The following TMEM231 variants were observed in gnomAD, a reference collection of about 807,000 sequenced individuals.
The protein encoded by TMEM231 is transmembrane protein 231.
A neutral mutation model predicts 38.5 loss-of-function variants in TMEM231; 40 were observed. That is an observed-to-expected ratio of 1.04 (90% CI 0.81 to 1.35). TMEM231 has a LOEUF of 1.35. Among genes scored for constraint, TMEM231 ranks in the 40% most tolerant of loss-of-function variants. The probability of loss-of-function intolerance (pLI) is 0.00; values close to 1 mark genes in which losing one functional copy is unlikely to be tolerated. For synonymous variants in TMEM231, 199 were observed against 181.7 expected, an observed-to-expected ratio of 1.10 and a Z score of -0.77; for missense variants, 420 against 416.9, an observed-to-expected ratio of 1.01 and a Z score of -0.07.
intron 2 of TMEM231, chr16:75,555,565 C>T (rs181288038): frequency 8.3e-4 from 397 of 479,440 alleles, no homozygotes; most frequent in African/African-American, 7.7e-3. Flanking sequence ...TGTCAGGGCG[C>T]ACACGCTGAC....
chr16:75,539,995 T>C lies in TMEM231; in HGVS notation c.950A>G (p.Ter317TrpextTer5). The C allele has an allele frequency of 6.2e-7, 1 of 1,608,740 alleles. No homozygotes were observed. The change falls in exon 7 of 7, where the codon TAG (stop) becomes TGG (tryptophan). Residue 317 changes from the stop codon to tryptophan (W), a stop_lost. Coordinates refer to ENST00000258173, the MANE Select transcript of TMEM231 (RefSeq NM_001077418.3). The part of the protein sequence containing the change: ...RGDLCKEHLS[*>W] ...GCTGAGTCTTCAGAAATGGCCTTTC[T>C]AGGATAAGTGCTCCTTACACAAGTC...
chr16:75,546,189 A>C (rs1007355598), intron 2 of TMEM231: 5 of 1,260,488 alleles, frequency 4.0e-6, no homozygotes, highest in Admixed American at 4.4e-5. Context: ...GGCCAAAATA[A>C]ATGGGCAATA....
intron 6 of TMEM231, among the ~76,000 whole-genome samples, chr16:75,541,001 T>C (rs1027744843): frequency 1.3e-5 from 2 of 152,134 alleles, no homozygotes; most frequent in East Asian, 1.9e-4. Flanking sequence ...TGAGCTACCA[T>C]TGATTTTTTT....
intron 2 of TMEM231, 126 bp from the exon 3 acceptor site, chr16:75,546,080 A>T: frequency 6.5e-7 from 1 of 1,547,196 alleles, no homozygotes; most frequent in Non-Finnish European, 8.7e-7. Context: ...CTCCTCCACT[A>T]AAAGAGAAAA....
rs762957747 is a variant in TMEM231, at chr16:75,542,683, T to A, written c.583A>T (p.Ile195Leu). Residue 195 changes from isoleucine to leucine, a missense_variant and splice_region_variant, in exon 5 of 7, where the codon ATA (isoleucine) becomes TTA (leucine). By Grantham distance (5) the Ile-to-Leu change is conservative. Coordinates refer to ENST00000258173, the MANE Select transcript of TMEM231 (RefSeq NM_001077418.3). ...GGGCTGGTCCCGTTGATCACGGATATCTGGGACACGGGAGGAGGATGTGGT... is the reference window on the plus strand; with the variant it reads ...GGGCTGGTCCCGTTGATCACGGATAACTGGGACACGGGAGGAGGATGTGGT... ...SCGGLDARYN[I>L]SVINGTSPFA... The A allele has an allele frequency of 6.2e-7, 1 of 1,613,666 alleles. No individual in the cohort carries two copies.
chr16:75,544,260 C>G (rs572427410), intron 4 of TMEM231, among the ~76,000 whole-genome samples: 1 of 152,236 alleles, frequency 6.6e-6, no homozygotes, highest in East Asian at 1.9e-4. Flanking sequence ...GTAGGCCAGG[C>G]GGCAGGAGGG....
Position 75,539,946 on chromosome 16 carries a change from T to C in TMEM231, c.*48A>G. 1 of 1,533,070 alleles carries C rather than the reference T, an allele frequency of 6.5e-7. No homozygotes were observed. The highest frequency in any genetic ancestry group is 8.8e-7 in the Non-Finnish European group (1 of 1,132,500). 95.0% of individuals were successfully genotyped at this position (1,533,070 alleles called of 1,614,324 possible). ...AAGGTCCTAAGATGTTCCCAGAAGATGACAATGAGGCAGCCACGGTCCTGC... is the reference window on the plus strand; with the variant it reads ...AAGGTCCTAAGATGTTCCCAGAAGACGACAATGAGGCAGCCACGGTCCTGC... On this transcript the variant is annotated 3_prime_UTR_variant, in exon 7 of 7. Coordinates refer to ENST00000258173, the MANE Select transcript of TMEM231 (RefSeq NM_001077418.3).
chr16:75,551,072 T>G (rs1157736463), intron 2 of TMEM231, among the ~76,000 whole-genome samples: 1 of 152,244 alleles, frequency 6.6e-6, no homozygotes, highest in Non-Finnish European at 1.5e-5. Context: ...TATTTCACCA[T>G]ATACTTGTCA....
chr16:75,546,267 A>G (rs979075382), intron 2 of TMEM231, among the ~76,000 whole-genome samples: 1 of 152,176 alleles, frequency 6.6e-6, no homozygotes, highest in Non-Finnish European at 1.5e-5. Flanking sequence ...TTTTGCACTG[A>G]TATTTTTTTC....
At position 75,541,349 on chromosome 16, in the gene TMEM231, T is replaced by A. The variant is rs757260161; in HGVS notation, c.770+1A>T. On this transcript the variant is annotated splice_donor_variant, in intron 6 of 6. Coordinates refer to ENST00000258173, the MANE Select transcript of TMEM231 (RefSeq NM_001077418.3). LOFTEE classifies it high-confidence loss of function. ...CATGGACTCTTTAACAGAAAGGATA[T>A]GAAATGACTTCCACAGGGTATCGGA... The A allele has an allele frequency of 6.2e-7, 1 of 1,604,480 alleles. No individual in the cohort carries two copies. The highest frequency in any genetic ancestry group is 1.3e-5 in the African/African-American group (1 of 74,650).
chr16:75,547,105 C>T (rs936493901), intron 2 of TMEM231, among the ~76,000 whole-genome samples: 31 of 152,168 alleles, frequency 2.0e-4, no homozygotes, highest in Non-Finnish European at 4.1e-4. Flanking sequence ...GAAAAGTGAT[C>T]ACTGCTGACA....
intron 2 of TMEM231, among the ~76,000 whole-genome samples, chr16:75,546,881 G>A (rs1441968858): frequency 6.6e-6 from 1 of 152,188 alleles, no homozygotes; most frequent in Non-Finnish European, 1.5e-5. Flanking sequence ...AATGAAAAAG[G>A]AAGCTATGTC....
In TMEM231 at chr16:75,539,777, A is replaced by G. The variant is rs532869843; in HGVS notation, c.*217T>C. On this transcript the variant is annotated 3_prime_UTR_variant, in exon 7 of 7. Transcript: ENST00000258173. ...AAAAAGCTAATTATAGCCTCCAGGA[A>G]CTCTCAGACCTTTCCACAAACTAGT... is the stretch of plus-strand genomic sequence containing the variant. 2 of 418,146 alleles carry G rather than the reference A, an allele frequency of 4.8e-6. No individual in the cohort carries two copies. The highest frequency in any genetic ancestry group is 8.4e-6 in the Non-Finnish European group (2 of 238,574). 25.9% of individuals were successfully genotyped at this position (418,146 alleles called of 1,614,324 possible).
At position 75,536,894 on chromosome 16, in the gene TMEM231, G is replaced by A. The variant is rs1425431257; in HGVS notation, c.*3100C>T. ...CCCAGCACTTTGGGTGGCCAAAGCG[G>A]ATGGATCACTTGAGGTCAGGAGTTC... is the stretch of plus-strand genomic sequence containing the variant. On this transcript the variant is annotated 3_prime_UTR_variant, in exon 7 of 7. Coordinates refer to ENST00000258173, the MANE Select transcript of TMEM231 (RefSeq NM_001077418.3). 1 of 152,178 alleles carries A rather than the reference G, an allele frequency of 6.6e-6. No individual in the cohort carries two copies. The highest frequency in any genetic ancestry group is 1.5e-5 in the Non-Finnish European group (1 of 68,058). 9.4% of individuals were successfully genotyped at this position (152,178 alleles called of 1,614,324 possible).
rs397514609 is a variant in TMEM231 at position 75,556,198 on chromosome 16, A to G, written c.12T>C (p.Tyr4=). The change falls in exon 1 of 7, where the codon TAT becomes TAC. Residue 4 remains tyrosine (Y), a synonymous_variant. Coordinates refer to ENST00000258173, the MANE Select transcript of TMEM231 (RefSeq NM_001077418.3). Reference sequence around the variant, plus strand: ...GCTCGACCGGGTGAGAGAAGAGCTCATAGAGCGCCATGAGCACCGCTCGCA... The same window carrying G: ...GCTCGACCGGGTGAGAGAAGAGCTCGTAGAGCGCCATGAGCACCGCTCGCA... MAL[Y]ELFSHPVERS... 18 of 1,473,338 alleles carry G rather than the reference A, an allele frequency of 1.2e-5. No homozygotes were observed. In the South Asian group the frequency reaches 2.1e-4, roughly 17 times the overall value. The allele number at this position is 1,473,338 out of a possible 1,614,324, so 91.3% of individuals were successfully genotyped here.
intron 6 of TMEM231, among the ~76,000 whole-genome samples, chr16:75,541,090 T>G (rs925977893): frequency 2.0e-5 from 3 of 152,056 alleles, no homozygotes; most frequent in Non-Finnish European, 4.4e-5. Flanking sequence ...CATCGCTCAC[T>G]GCAAGCTTGA....
In TMEM231 at chr16:75,545,831, A is replaced by G; in HGVS notation, c.433T>C (p.Leu145=). 3.2e-6 allele frequency: 4 copies of G among 1,252,430 alleles called. No individual in the cohort carries two copies. Among genetic ancestry groups the G allele is most frequent in the Non-Finnish European group, 4.3e-6 (4 of 922,770 alleles). The allele number at this position is 1,252,430 out of a possible 1,614,324, so 77.6% of individuals were successfully genotyped here. ...CTCCCAGCGGACTGACTCACGTGTA[A>G]TCGATAGGAGAAAGTCAGGATGAGC... ...VQLILTFSYR[L]HRMATLVMQS... is the part of the protein sequence containing the mutation. The change falls in exon 3 of 7, where the codon TTA becomes CTA. Residue 145 remains leucine, a synonymous_variant. Transcript: ENST00000258173.
In TMEM231 at chr16:75,537,915, A is replaced by AT. The variant is rs2080577090; in HGVS notation, c.*2078dup. On this transcript the variant is annotated 3_prime_UTR_variant, in exon 7 of 7. Coordinates refer to ENST00000258173, the MANE Select transcript of TMEM231 (RefSeq NM_001077418.3). Reference sequence around the variant, plus strand: ...ATCCAACACGTAGATTTCACATGGCATGTGAATCCCACTGAAAACTCATCT... The same window carrying AT: ...ATCCAACACGTAGATTTCACATGGCATTGTGAATCCCACTGAAAACTCATCT... 1 of 152,216 alleles carries AT rather than the reference A, an allele frequency of 6.6e-6. No homozygotes were observed. The allele number at this position is 152,216 out of a possible 1,614,324, so 9.4% of individuals were successfully genotyped here.
At chr16:75,540,281 G>T in intron 6 of TMEM231, 107 bp from the exon 7 acceptor site, 1 of 1,110,690 alleles carries the variant, frequency 9.0e-7, no homozygotes, top group Non-Finnish European at 1.3e-6. Context: ...CAGGACCTCT[G>T]TCATGTACAC....
Sources: allele counts gnomAD v4.1 joint callset (sites outside exome capture counted in the v4.1 genomes callset), GRCh38; gene constraint gnomAD v4.1.1; transcripts MANE v1.5; gene names NCBI Gene and HGNC (gene_info 2026-07-23, HGNC 2026-07-21).